The following TCF7L2 variants were observed in gnomAD, a reference collection of about 807,000 sequenced individuals.
The protein encoded by TCF7L2 is transcription factor 7-like 2.
In TCF7L2, 23 loss-of-function variants were observed where a neutral mutation model predicts 77.9. The observed-to-expected ratio is 0.30, with a 90% confidence interval of 0.21 to 0.42. TCF7L2 has a LOEUF of 0.42. Ranked by LOEUF, TCF7L2 falls within the 10% of genes least tolerant of loss-of-function variation. TCF7L2 has a pLI of 1.00. For synonymous variants in TCF7L2, 413 were observed against 340.2 expected, an observed-to-expected ratio of 1.21 and a Z score of -2.36; for missense variants, 654 against 793.1, an observed-to-expected ratio of 0.82 and a Z score of 2.11.
intron 5 of TCF7L2, among the ~76,000 whole-genome samples, chr10:113,123,063 A>T (rs1332872346): frequency 6.6e-6 from 1 of 152,208 alleles, no homozygotes; most frequent in African/African-American, 2.4e-5. Flanking sequence ...CGGAGTTAGG[A>T]TCAAAGGCGC....
At chr10:113,030,413 T>G (rs2050019106) in intron 4 of TCF7L2, among the ~76,000 whole-genome samples, 1 of 152,210 alleles carries the variant, frequency 6.6e-6, no homozygotes, top group Non-Finnish European at 1.5e-5. Flanking sequence ...CCAGCTATTT[T>G]CCTGGTCTCC....
intron 5 of TCF7L2, among the ~76,000 whole-genome samples, chr10:113,112,767 A>G (rs528692405): frequency 6.4e-4 from 97 of 152,182 alleles, no homozygotes; most frequent in Non-Finnish European, 1.0e-3. Flanking sequence ...CTCTGATGTT[A>G]TGGAGGCATG....
chr10:113,128,502 C>T (rs2066029432), intron 5 of TCF7L2, among the ~76,000 whole-genome samples: 1 of 152,066 alleles, frequency 6.6e-6, no homozygotes, highest in Admixed American at 6.5e-5. Flanking sequence ...ACATCTCTAC[C>T]TTAGGTGTCC....
chr10:112,990,322 A>G (rs1171928244), intron 4 of TCF7L2, among the ~76,000 whole-genome samples: 1 of 151,920 alleles, frequency 6.6e-6, no homozygotes, highest in Admixed American at 6.6e-5. Flanking sequence ...TTTGTAAAAT[A>G]TTTTTTCTCC....
chr10:113,067,464 G>C lies in TCF7L2; in HGVS notation c.552+27338G>C, dbSNP rs1411966917. On this transcript the variant is annotated intron_variant, in intron 5 of 13. Coordinates refer to ENST00000627217, the MANE Select transcript of TCF7L2 (RefSeq NM_001146274.2). ...GATTTTATTATCCAGAAACTTCTGTGTACCCCTCTTCCCCCACAAGAAATA... is the reference window on the plus strand; with the variant it reads ...GATTTTATTATCCAGAAACTTCTGTCTACCCCTCTTCCCCCACAAGAAATA... 2.0e-5 allele frequency among the ~76,000 whole-genome samples: 3 copies of C among 152,288 alleles called. No homozygotes were observed. In the East Asian group the frequency reaches 5.8e-4, roughly 29 times the overall value.
intron 11 of TCF7L2, among the ~76,000 whole-genome samples, chr10:113,157,188 G>T (rs955798595): frequency 3.9e-5 from 6 of 152,154 alleles, no homozygotes; most frequent in Non-Finnish European, 7.3e-5. Flanking sequence ...GCATGATCTC[G>T]GCTCACTGCA....
At chr10:113,002,094 C>T (rs2044589618) in intron 4 of TCF7L2, among the ~76,000 whole-genome samples, 1 of 152,088 alleles carries the variant, frequency 6.6e-6, no homozygotes, top group African/African-American at 2.4e-5. Context: ...AGCTCCTGTT[C>T]TTAGGAAGGA....
At chr10:113,037,696 G>A (rs1344668359) in intron 4 of TCF7L2, among the ~76,000 whole-genome samples, 1 of 152,166 alleles carries the variant, frequency 6.6e-6, no homozygotes, top group Non-Finnish European at 1.5e-5. Context: ...AACAAAGCCC[G>A]AGTTTCCTAA....
At chr10:113,010,788 C>G (rs1317307434) in intron 4 of TCF7L2, among the ~76,000 whole-genome samples, 3 of 152,172 alleles carry the variant, frequency 2.0e-5, no homozygotes, top group Non-Finnish European at 4.4e-5. Context: ...CCGAGGTGGA[C>G]AGATCTCTTG....
intron 13 of TCF7L2, among the ~76,000 whole-genome samples, chr10:113,162,401 C>T (rs1177421917): frequency 6.6e-6 from 1 of 151,768 alleles, no homozygotes; most frequent in Non-Finnish European, 1.5e-5. Context: ...GAAGTTATTC[C>T]TAACATTGAC....
At chr10:113,100,196 A>T (rs1215753642) in intron 5 of TCF7L2, among the ~76,000 whole-genome samples, 1 of 152,218 alleles carries the variant, frequency 6.6e-6, no homozygotes, top group African/African-American at 2.4e-5. Flanking sequence ...CACACACTAT[A>T]AACAAAGCAT....
intron 5 of TCF7L2, chr10:113,125,904 A>G (rs1564928698): frequency 2.6e-5 from 4 of 152,240 alleles, no homozygotes; most frequent in African/African-American, 9.6e-5. Context: ...TTTGAGTGAA[A>G]TTTCTACAAA....
chr10:113,019,834 G>A (rs2047994678), intron 4 of TCF7L2, among the ~76,000 whole-genome samples: 1 of 151,200 alleles, frequency 6.6e-6, no homozygotes, highest in Non-Finnish European at 1.5e-5. Flanking sequence ...AGCCAGTCTT[G>A]ACACCTGCCC....
chr10:113,086,779 A>G (rs954701767), intron 5 of TCF7L2, among the ~76,000 whole-genome samples: 4 of 151,540 alleles, frequency 2.6e-5, no homozygotes, highest in Admixed American at 2.0e-4. Flanking sequence ...AAAAAAAACT[A>G]TAGTTATTTT....
intron 5 of TCF7L2, among the ~76,000 whole-genome samples, chr10:113,097,821 G>A (rs1200145581): frequency 1.3e-5 from 2 of 151,624 alleles, no homozygotes; most frequent in African/African-American, 4.8e-5. Context: ...GGAGGCTGAG[G>A]CAGGCGGATC....
chr10:113,052,701 A>G (rs2054674281), intron 5 of TCF7L2, among the ~76,000 whole-genome samples: 1 of 152,204 alleles, frequency 6.6e-6, no homozygotes, highest in Non-Finnish European at 1.5e-5. Flanking sequence ...TCTTGAGGAC[A>G]TGACACATGG....
In TCF7L2 at chr10:113,124,605, ACT is replaced by A. The variant is rs549447463; in HGVS notation, c.553-16576_553-16575del. On this transcript the variant is annotated intron_variant, in intron 5 of 13. Coordinates refer to ENST00000627217, the MANE Select transcript of TCF7L2 (RefSeq NM_001146274.2). ...GTATAATATAGTTATAAGTGATATA[ACT>A]CTGCAGGACATAGATATAGATGTTG... Among the ~76,000 whole-genome samples, 11 of 152,186 alleles carry A rather than the reference ACT, an allele frequency of 7.2e-5. No individual in the cohort carries two copies. The East Asian group carries it at 1.9e-3, about 27-fold the overall frequency.
chr10:112,951,397 C>T (rs2134199574), intron 2 of TCF7L2, 86 bp from the exon 3 acceptor site: 1 of 1,229,858 alleles, frequency 8.1e-7, no homozygotes, highest in Non-Finnish European at 1.0e-6. Context: ...GCGCCCGGCC[C>T]CTCGGGGCAC....
chr10:113,155,097 C>G (rs555771592), intron 11 of TCF7L2, among the ~76,000 whole-genome samples: 6 of 151,468 alleles, frequency 4.0e-5, no homozygotes, highest in Middle Eastern at 3.4e-3. Flanking sequence ...TCTCATGGCT[C>G]TTTCACATTC....
Sources: allele counts gnomAD v4.1 joint callset (sites outside exome capture counted in the v4.1 genomes callset), GRCh38; gene constraint gnomAD v4.1.1; transcripts MANE v1.5; gene names NCBI Gene and HGNC (gene_info 2026-07-23, HGNC 2026-07-21).